The following RASSF2 variants were observed in gnomAD, a reference collection of about 807,000 sequenced individuals.
RASSF2 encodes Ras association domain family member 2, also known as ras association domain-containing protein 2.
RASSF2 carries 34 observed loss-of-function variants against 46.3 expected under a neutral mutation model. The ratio of observed to expected loss-of-function variants is 0.73; its 90% CI spans 0.56 to 0.98. The LOEUF is 0.98. RASSF2 is among the 50% of genes least tolerant of loss of function. RASSF2 has a pLI of 0.00. For synonymous variants in RASSF2, 158 were observed against 162.5 expected (o/e 0.97, Z 0.21); for missense variants, 364 against 431.2 (o/e 0.84, Z 1.38).
At chr20:4,814,560 C>T (rs1051690026) in intron 2 of RASSF2, among the ~76,000 whole-genome samples, 1 of 152,168 alleles carries the variant, frequency 6.6e-6, no homozygotes, top group Admixed American at 6.5e-5. Flanking sequence ...GCCTCCTCCA[C>T]CCCCAGACCC....
chr20:4,816,065 G>T (rs1928280863), intron 2 of RASSF2, among the ~76,000 whole-genome samples: 1 of 152,206 alleles, frequency 6.6e-6, no homozygotes, highest in African/African-American at 2.4e-5. Flanking sequence ...AATTTGGGAG[G>T]CCGAGACGGG....
Position 4,787,766 on chromosome 20 carries a change from CA to C in RASSF2, c.692-13del. ...CAGCTTCTGTTTCTCTGCAACCACA[CA>C]CACCCAGGAGCAGCCCTGAGAGGCC... On this transcript the variant is annotated splice_polypyrimidine_tract_variant and intron_variant, in intron 9 of 11. Coordinates refer to ENST00000379400, the MANE Select transcript of RASSF2 (RefSeq NM_014737.3). The C allele has an allele frequency of 6.2e-7, 1 of 1,614,174 alleles. No individual in the cohort carries two copies. Among genetic ancestry groups the C allele is most frequent in the Non-Finnish European group, 8.5e-7 (1 of 1,180,036 alleles).
intron 2 of RASSF2, among the ~76,000 whole-genome samples, chr20:4,817,976 A>G (rs1438894836): frequency 2.0e-5 from 3 of 152,190 alleles, no homozygotes; most frequent in Non-Finnish European, 4.4e-5. Context: ...AAACATTTCA[A>G]TAATCATTAG....
intron 4 of RASSF2, among the ~76,000 whole-genome samples, chr20:4,796,270 G>A (rs1043019739): frequency 8.5e-5 from 13 of 152,168 alleles, no homozygotes; most frequent in African/African-American, 2.9e-4. Context: ...TAAAGAAAGC[G>A]GAATACATTT....
chr20:4,821,313 A>C (rs1167320201), intron 2 of RASSF2, among the ~76,000 whole-genome samples: 4 of 152,078 alleles, frequency 2.6e-5, no homozygotes, highest in African/African-American at 7.2e-5. Context: ...TGGGCCGCAG[A>C]GCACTAGGGA....
chr20:4,814,719 C>T (rs1458978633), intron 2 of RASSF2, among the ~76,000 whole-genome samples: 2 of 152,202 alleles, frequency 1.3e-5, no homozygotes, highest in African/African-American at 4.8e-5. Flanking sequence ...TGAGTTAACG[C>T]ATCCAACAAC....
At chr20:4,785,286 C>T (rs942608191) in intron 11 of RASSF2, among the ~76,000 whole-genome samples, 1 of 152,058 alleles carries the variant, frequency 6.6e-6, no homozygotes, top group Non-Finnish European at 1.5e-5. Context: ...TTGCAGTGAG[C>T]CGAGATCGCA....
At chr20:4,822,863 C>T (rs1023506650) in intron 1 of RASSF2, among the ~76,000 whole-genome samples, 4 of 152,120 alleles carry the variant, frequency 2.6e-5, no homozygotes, top group Non-Finnish European at 5.9e-5. Flanking sequence ...GTCGGGCACT[C>T]TCCAGGGCTG....
intron 10 of RASSF2, among the ~76,000 whole-genome samples, chr20:4,787,255 C>A (rs1267534821): frequency 6.6e-6 from 1 of 152,170 alleles, no homozygotes; most frequent in Non-Finnish European, 1.5e-5. Context: ...AATATGCTTA[C>A]ATGATTTGGC....
At chr20:4,813,405 G>A (rs1274314204) in intron 2 of RASSF2, among the ~76,000 whole-genome samples, 4 of 152,186 alleles carry the variant, frequency 2.6e-5, no homozygotes, top group African/African-American at 9.7e-5. Context: ...GTTCCCAGAC[G>A]CGACTGTGGA....
chr20:4,798,521 G>A (rs964941120), intron 3 of RASSF2, among the ~76,000 whole-genome samples: 2 of 152,074 alleles, frequency 1.3e-5, no homozygotes. Context: ...ATAATGATAG[G>A]CCTTCACAAG....
chr20:4,809,067 G>A (rs1927565329), intron 2 of RASSF2, among the ~76,000 whole-genome samples: 1 of 152,198 alleles, frequency 6.6e-6, no homozygotes. Flanking sequence ...AACCAGTCAA[G>A]TTTTCCCTCT....
Position 4,790,823 on chromosome 20 carries a change from C to A in RASSF2, c.377-212G>T, listed in dbSNP as rs1197698952. On this transcript the variant is annotated intron_variant, in intron 6 of 11. Transcript: ENST00000379400. This position sits in a 1 kb window ranked among gnomAD's most constrained non-coding sequence, Gnocchi z 4.3. ...GAGAACAGACTTCAGAGCCGGACTCCCTGGGTTCAAATCCCTGCTCCATGA... is the reference window on the plus strand; with the variant it reads ...GAGAACAGACTTCAGAGCCGGACTCACTGGGTTCAAATCCCTGCTCCATGA... 7.2e-5 allele frequency among the ~76,000 whole-genome samples: 11 copies of A among 152,126 alleles called. No homozygotes were observed. The Middle Eastern group carries it at 0.01, about 142-fold the overall frequency.
chr20:4,795,778 T>A lies in RASSF2; in HGVS notation c.287+37A>T, dbSNP rs1812831307. ...TGAGAACACATAGAACACCCAAGCATCCCAGTCATCTCCCTGCCCCGTCTC... is the reference window on the plus strand; with the variant it reads ...TGAGAACACATAGAACACCCAAGCAACCCAGTCATCTCCCTGCCCCGTCTC... On this transcript the variant is annotated intron_variant, in intron 5 of 11. Coordinates refer to ENST00000379400, the MANE Select transcript of RASSF2 (RefSeq NM_014737.3). This position sits in a 1 kb window ranked among gnomAD's most constrained non-coding sequence, Gnocchi z 4.0. 1 of 1,586,710 alleles carries A rather than the reference T, an allele frequency of 6.3e-7. No homozygotes were observed. The highest frequency in any genetic ancestry group is 8.6e-7 in the Non-Finnish European group (1 of 1,164,590).
chr20:4,817,254 T>C (rs946762917), intron 2 of RASSF2, among the ~76,000 whole-genome samples: 1 of 152,198 alleles, frequency 6.6e-6, no homozygotes, highest in Non-Finnish European at 1.5e-5. Context: ...TGGAGTGTTA[T>C]CATTATTATA....
In RASSF2 at chr20:4,800,526, C is replaced by T. The variant is rs144106664; in HGVS notation, c.59+446G>A. 2.1e-3 allele frequency among the ~76,000 whole-genome samples: 319 copies of T among 152,310 alleles called. 1 individual carries two copies. Among genetic ancestry groups the T allele is most frequent in the African/African-American group, 7.5e-3 (310 of 41,564 alleles). On this transcript the variant is annotated intron_variant, in intron 3 of 11. Coordinates refer to ENST00000379400, the MANE Select transcript of RASSF2 (RefSeq NM_014737.3). Reference sequence around the variant, plus strand: ...GCGTCCTCACACCGCGGAGGAAAAACAATCTCCCTTGGCCTTTTATAAGGG... The same window carrying T: ...GCGTCCTCACACCGCGGAGGAAAAATAATCTCCCTTGGCCTTTTATAAGGG...
chr20:4,804,141 G>T (rs184343602), intron 2 of RASSF2, among the ~76,000 whole-genome samples: 1 of 151,888 alleles, frequency 6.6e-6, no homozygotes, highest in Admixed American at 6.6e-5. Flanking sequence ...TGTTACTGCC[G>T]GTTACCATGG....
intron 2 of RASSF2, among the ~76,000 whole-genome samples, chr20:4,801,690 C>CAT (rs1355094818): frequency 1.3e-5 from 2 of 151,848 alleles, no homozygotes; most frequent in Non-Finnish European, 1.5e-5. Flanking sequence ...TATATATATA[C>CAT]ATATATATAT....
chr20:4,789,138 T>C (rs1042754225), intron 8 of RASSF2, among the ~76,000 whole-genome samples: 1 of 152,198 alleles, frequency 6.6e-6, no homozygotes, highest in Non-Finnish European at 1.5e-5. Context: ...ACTCCTGCAC[T>C]ATAATTTGCA....
Sources: allele counts gnomAD v4.1 joint callset (sites outside exome capture counted in the v4.1 genomes callset), GRCh38; gene constraint gnomAD v4.1.1; non-coding constraint Gnocchi (gnomAD v3.1); transcripts MANE v1.5; gene names NCBI Gene and HGNC (gene_info 2026-07-23, HGNC 2026-07-21).